The following CNKSR2 variants were observed in gnomAD, a reference collection of about 807,000 sequenced individuals.
CNKSR2 encodes connector enhancer of kinase suppressor of Ras 2.
In CNKSR2, 14 loss-of-function variants were observed where a neutral mutation model predicts 84.4. The ratio of observed to expected loss-of-function variants is 0.17; its 90% CI spans 0.11 to 0.26. The LOEUF (loss-of-function observed/expected upper bound fraction) is 0.26. CNKSR2 is among the 10% of genes least tolerant of loss of function. The probability of loss-of-function intolerance (pLI) is 1.00; values close to 1 mark genes in which losing one functional copy is unlikely to be tolerated. For synonymous variants in CNKSR2, 275 were observed against 277.9 expected (o/e 0.99, Z 0.10); for missense variants, 485 against 771.2 (o/e 0.63, Z 4.40).
At chrX:21,549,863 C>T (rs1346120790) in intron 11 of CNKSR2, among the ~76,000 whole-genome samples, 1 of 112,100 alleles carries the variant, frequency 8.9e-6, no homozygotes, top group Non-Finnish European at 1.9e-5. Flanking sequence ...ACTGGCTAGC[C>T]ATATGCAGAA....
chrX:21,552,528 C>T (rs187891489), intron 11 of CNKSR2, among the ~76,000 whole-genome samples: 36 of 111,861 alleles, frequency 3.2e-4, no homozygotes, highest in African/African-American at 8.4e-4. Flanking sequence ...ACCAATGATA[C>T]GATTTCTTTG....
chrX:21,496,828 GAAGT>G (rs775051153), intron 6 of CNKSR2, among the ~76,000 whole-genome samples: 2 of 111,153 alleles, frequency 1.8e-5, no homozygotes, highest in Non-Finnish European at 3.8e-5. Context: ...TTTTATTTAT[GAAGT>G]AAGTATTTTG....
intron 11 of CNKSR2, among the ~76,000 whole-genome samples, chrX:21,552,726 G>A (rs2092104878): frequency 8.9e-6 from 1 of 111,747 alleles, no homozygotes; most frequent in South Asian, 3.7e-4. Flanking sequence ...TCAAACTAAA[G>A]TAAGAAAAAC....
intron 11 of CNKSR2, 31 bp from the exon 12 acceptor site, chrX:21,561,440 A>G: frequency 9.1e-7 from 1 of 1,095,302 alleles, no homozygotes; most frequent in African/African-American, 1.8e-5. Flanking sequence ...AAGAAAAACA[A>G]TGTGATGTGA....
chrX:21,488,586 C>G (rs1380844939), intron 5 of CNKSR2, among the ~76,000 whole-genome samples: 1 of 111,555 alleles, frequency 9.0e-6, no homozygotes, highest in African/African-American at 3.3e-5. Context: ...CAGATGCAAA[C>G]AGCACTAGCA....
intron 1 of CNKSR2, among the ~76,000 whole-genome samples, chrX:21,388,197 C>G (rs537717179): frequency 8.9e-6 from 1 of 111,802 alleles, no homozygotes; most frequent in Non-Finnish European, 1.9e-5. Flanking sequence ...CCGCGCCAGG[C>G]CTATTTTTCC....
chrX:21,498,273 G>T (rs1569206805), intron 7 of CNKSR2, among the ~76,000 whole-genome samples: 1 of 111,832 alleles, frequency 8.9e-6, no homozygotes, highest in Admixed American at 9.5e-5. Flanking sequence ...TAGCTGAGTG[G>T]TTTTCACAGT....
intron 7 of CNKSR2, among the ~76,000 whole-genome samples, chrX:21,499,898 T>G (rs945923698): frequency 1.3e-4 from 14 of 111,155 alleles, no homozygotes; most frequent in Non-Finnish European, 2.5e-4. Flanking sequence ...TCTTTGAATT[T>G]TATATACTAT....
intron 20 of CNKSR2, among the ~76,000 whole-genome samples, chrX:21,646,116 G>C (rs1394250508): frequency 1.8e-5 from 2 of 111,363 alleles, no homozygotes; most frequent in Admixed American, 1.9e-4. Flanking sequence ...GTCTTGTGTA[G>C]TGTATGTGTA....
rs758945290 is a variant in CNKSR2, at chrX:21,432,831, G to A, written c.431+17G>A. The A allele has an allele frequency of 1.9e-5, 23 of 1,194,816 alleles. No homozygotes were observed. Among genetic ancestry groups the A allele is most frequent in the East Asian group, 3.0e-5 (1 of 33,624 alleles). ...GTTGGACAGGTAAAGTCTTCCGCAT[G>A]TTTCATAAGTATCCTCTCCTCAGAC... On this transcript the variant is annotated intron_variant, in intron 3 of 21. Transcript: ENST00000379510.
chrX:21,616,631 G>A (rs1436606918), intron 20 of CNKSR2, among the ~76,000 whole-genome samples: 1 of 111,576 alleles, frequency 9.0e-6, no homozygotes, highest in Non-Finnish European at 1.9e-5. Context: ...CTCTATGATT[G>A]AAACCATTTC....
intron 1 of CNKSR2, among the ~76,000 whole-genome samples, chrX:21,416,826 T>G (rs1261632898): frequency 9.5e-6 from 1 of 105,744 alleles, no homozygotes; most frequent in Admixed American, 9.7e-5. Context: ...TCTTTCTTAT[T>G]TTCTTAGTCT....
chrX:21,551,877 A>AT (rs1032775524), intron 11 of CNKSR2, among the ~76,000 whole-genome samples: 6 of 111,449 alleles, frequency 5.4e-5, no homozygotes, highest in African/African-American at 2.0e-4. Context: ...ATTGCCTTAT[A>AT]TTTTTTTAAT....
intron 1 of CNKSR2, among the ~76,000 whole-genome samples, chrX:21,414,320 A>G (rs924856086): frequency 9.0e-6 from 1 of 111,354 alleles, no homozygotes; most frequent in African/African-American, 3.3e-5. Context: ...TGTGATGGTC[A>G]GTGACGCTGC....
At chrX:21,527,106 C>T (rs2091842781) in intron 10 of CNKSR2, 106 bp downstream of exon 10, 8 of 704,901 alleles carry the variant, frequency 1.1e-5, no homozygotes, top group Non-Finnish European at 1.7e-5. Context: ...TATTTTCTCA[C>T]AGTTAGGAAT....
intron 10 of CNKSR2, among the ~76,000 whole-genome samples, chrX:21,527,867 G>T (rs922948132): frequency 4.2e-4 from 47 of 110,619 alleles, no homozygotes; most frequent in Non-Finnish European, 7.2e-4. Flanking sequence ...ATATATAAAA[G>T]AACTAAATTC....
chrX:21,611,292 A>G (rs1243920618), intron 20 of CNKSR2, among the ~76,000 whole-genome samples: 1 of 112,747 alleles, frequency 8.9e-6, no homozygotes, highest in Non-Finnish European at 1.9e-5. Flanking sequence ...TTATTCTTTT[A>G]CAAACATTGG....
At chrX:21,551,388 CT>C (rs2092090433) in intron 11 of CNKSR2, among the ~76,000 whole-genome samples, 1 of 112,227 alleles carries the variant, frequency 8.9e-6, no homozygotes, top group African/African-American at 3.2e-5. Context: ...AGAAAAATCA[CT>C]TTTAATAAAG....
At chrX:21,422,584 A>G (rs191199524) in intron 1 of CNKSR2, among the ~76,000 whole-genome samples, 1 of 112,504 alleles carries the variant, frequency 8.9e-6, no homozygotes, top group Non-Finnish European at 1.9e-5. Flanking sequence ...CTACAATACA[A>G]TGTAATTTTT....
Sources: gnomAD v4.1 joint callset for allele counts (sites outside exome capture counted in the v4.1 genomes callset) on GRCh38, gnomAD v4.1.1 for gene constraint, MANE v1.5 for transcripts, NCBI Gene and HGNC (gene_info 2026-07-23, HGNC 2026-07-21) for gene names.